TMEM74: variants seen among roughly 807,000 people sequenced by gnomAD.
TMEM74 encodes the protein transmembrane protein 74.
A neutral mutation model predicts 18.1 loss-of-function variants in TMEM74; 13 were observed. That is an observed-to-expected ratio of 0.72 (90% CI 0.47 to 1.14). TMEM74 has a LOEUF of 1.14. Ranked by LOEUF, TMEM74 falls within the 50% of genes most tolerant of loss-of-function variation. The pLI is 0.00. For missense variants in TMEM74, 372 were observed against 375.9 expected (o/e 0.99, Z 0.09); for synonymous variants, 159 against 146.6 (o/e 1.08, Z -0.61).
chr8:108,646,481 A>G (rs1221207190), intron 2 of TMEM74, among the ~76,000 whole-genome samples: 1 of 152,180 alleles, frequency 6.6e-6, no homozygotes, highest in African/African-American at 2.4e-5. Context: ...GTGACAATGT[A>G]TAGGCTGTAG....
At chr8:108,720,302 A>G (rs899198453) in intron 1 of TMEM74, among the ~76,000 whole-genome samples, 1 of 152,236 alleles carries the variant, frequency 6.6e-6, no homozygotes, top group African/African-American at 2.4e-5. Context: ...TGTCAGCCCA[A>G]CTACAGTTAG....
chr8:108,671,782 G>T (rs1409461039), intron 1 of TMEM74, among the ~76,000 whole-genome samples: 1 of 152,042 alleles, frequency 6.6e-6, no homozygotes, highest in African/African-American at 2.4e-5. Flanking sequence ...AAAAGTAAGA[G>T]AGAAATATAT....
intron 2 of TMEM74, among the ~76,000 whole-genome samples, chr8:108,634,526 T>A (rs1812587915): frequency 6.6e-6 from 1 of 151,980 alleles, no homozygotes; most frequent in South Asian, 2.1e-4. Flanking sequence ...AGAATAAGGC[T>A]ACCCACACCA....
At chr8:108,620,055 G>A (rs772889672) in intron 2 of TMEM74, among the ~76,000 whole-genome samples, 1 of 152,100 alleles carries the variant, frequency 6.6e-6, no homozygotes, top group African/African-American at 2.4e-5. Flanking sequence ...CATAGAGGTA[G>A]GGGTAATTAT....
chr8:108,722,044 CA>C (rs1411879451), intron 1 of TMEM74, among the ~76,000 whole-genome samples: 2 of 152,074 alleles, frequency 1.3e-5, no homozygotes, highest in African/African-American at 2.4e-5. Flanking sequence ...AATCCAAGGT[CA>C]AAAATGTTTT....
At chr8:108,755,833 T>C (rs190985631) in intron 1 of TMEM74, among the ~76,000 whole-genome samples, 5 of 152,180 alleles carry the variant, frequency 3.3e-5, no homozygotes, top group Non-Finnish European at 7.4e-5. Flanking sequence ...GTAAATTTAT[T>C]GCCATATTAA....
intron 2 of TMEM74, among the ~76,000 whole-genome samples, chr8:108,610,267 A>T (rs2130532560): frequency 6.6e-6 from 1 of 152,236 alleles, no homozygotes; most frequent in East Asian, 1.9e-4. Context: ...ATGGGGGGAG[A>T]TAAGGGTGCT....
At chr8:108,644,481 G>T (rs747786621) in intron 2 of TMEM74, among the ~76,000 whole-genome samples, 8 of 151,960 alleles carry the variant, frequency 5.3e-5, no homozygotes, top group Non-Finnish European at 1.2e-4. Flanking sequence ...CAATTGCACC[G>T]AAACCAAAAA....
intron 1 of TMEM74, among the ~76,000 whole-genome samples, chr8:108,692,245 C>A (rs919998500): frequency 4.6e-5 from 7 of 152,300 alleles, no homozygotes; most frequent in African/African-American, 1.7e-4. Flanking sequence ...TAAAACAACA[C>A]TAGCAAAGGT....
At chr8:108,627,329 A>G (rs1812503637) in intron 2 of TMEM74, among the ~76,000 whole-genome samples, 1 of 151,994 alleles carries the variant, frequency 6.6e-6, no homozygotes, top group African/African-American at 2.4e-5. Flanking sequence ...GAAATGATCT[A>G]TAGTGATGTG....
intron 1 of TMEM74, among the ~76,000 whole-genome samples, chr8:108,751,920 C>T (rs1019841937): frequency 3.9e-5 from 6 of 152,016 alleles, no homozygotes; most frequent in Admixed American, 6.6e-5. Flanking sequence ...AAGAGGAATG[C>T]AGGGAACTTG....
chr8:108,769,027 G>T (rs1473493026), intron 1 of TMEM74, among the ~76,000 whole-genome samples: 1 of 152,110 alleles, frequency 6.6e-6, no homozygotes, highest in Non-Finnish European at 1.5e-5. Flanking sequence ...GTGAGGCAGG[G>T]CATGGAGGCT....
intron 1 of TMEM74, among the ~76,000 whole-genome samples, chr8:108,663,484 G>T (rs1449665796): frequency 6.6e-6 from 1 of 152,132 alleles, no homozygotes; most frequent in Non-Finnish European, 1.5e-5. Context: ...AGGTTGTGGA[G>T]AAAAATGAAC....
At chr8:108,706,490 A>G (rs949624924) in intron 1 of TMEM74, among the ~76,000 whole-genome samples, 1 of 152,192 alleles carries the variant, frequency 6.6e-6, no homozygotes, top group Non-Finnish European at 1.5e-5. Context: ...GTTTGGTTTA[A>G]TAATGTCAAT....
At chr8:108,766,473 G>C (rs1046721275) in intron 1 of TMEM74, among the ~76,000 whole-genome samples, 17 of 152,082 alleles carry the variant, frequency 1.1e-4, no homozygotes, top group African/African-American at 4.1e-4. Context: ...AAGTTAGAAG[G>C]ACCTTTACAA....
At chr8:108,645,180 A>C (rs1037969584) in intron 2 of TMEM74, among the ~76,000 whole-genome samples, 1 of 152,190 alleles carries the variant, frequency 6.6e-6, no homozygotes, top group Non-Finnish European at 1.5e-5. Flanking sequence ...CACAAAAATG[A>C]ATGAAATCAT....
At chr8:108,751,330 G>A (rs998795617) in intron 1 of TMEM74, among the ~76,000 whole-genome samples, 6 of 152,092 alleles carry the variant, frequency 3.9e-5, no homozygotes, top group African/African-American at 1.4e-4. Flanking sequence ...TATACATTGT[G>A]CATCTCATTC....
chr8:108,636,602 A>T (rs1586242413), intron 2 of TMEM74, among the ~76,000 whole-genome samples: 1 of 152,212 alleles, frequency 6.6e-6, no homozygotes, highest in African/African-American at 2.4e-5. Context: ...TTGGAAGATC[A>T]GGCCTACCTG....
chr8:108,741,713 G>C (rs1813802968), intron 1 of TMEM74, among the ~76,000 whole-genome samples: 1 of 152,172 alleles, frequency 6.6e-6, no homozygotes, highest in South Asian at 2.1e-4. Flanking sequence ...TTTTGAAGAA[G>C]AGGACATGTG....
Sources: allele counts gnomAD v4.1 joint callset (sites outside exome capture counted in the v4.1 genomes callset), GRCh38; gene constraint gnomAD v4.1.1; transcripts MANE v1.5; gene names NCBI Gene and HGNC (gene_info 2026-07-23, HGNC 2026-07-21).